Variants in RGL1 observed in about 807,000 individuals in gnomAD.
The protein encoded by RGL1 is ral guanine nucleotide dissociation stimulator-like 1.
In RGL1, 24 loss-of-function variants were observed where a neutral mutation model predicts 95.2. That is an observed-to-expected ratio of 0.25 (90% CI 0.18 to 0.35). The LOEUF is 0.35. RGL1 is among the 10% of genes least tolerant of loss of function. The pLI, the probability that RGL1 is intolerant of heterozygous loss-of-function variation, is 1.00. For synonymous variants in RGL1, 329 were observed against 344.9 expected, an observed-to-expected ratio of 0.95 and a Z score of 0.51; for missense variants, 715 against 936.3, an observed-to-expected ratio of 0.76 and a Z score of 3.08.
intron 1 of RGL1, among the ~76,000 whole-genome samples, chr1:183,682,561 T>C (rs922542359): frequency 6.6e-6 from 1 of 152,178 alleles, no homozygotes; most frequent in African/African-American, 2.4e-5. Context: ...TTCTTTTGCA[T>C]TTGCTGAGGA....
At chr1:183,812,887 AG>A (rs1260882475) in intron 2 of RGL1, among the ~76,000 whole-genome samples, 1 of 152,108 alleles carries the variant, frequency 6.6e-6, no homozygotes. Flanking sequence ...GGAAAGGGAG[AG>A]GAAAGGGGGC....
At chr1:183,836,290 GC>G (rs911057819) in intron 2 of RGL1, among the ~76,000 whole-genome samples, 1 of 151,584 alleles carries the variant, frequency 6.6e-6, no homozygotes, top group Non-Finnish European at 1.5e-5. Context: ...TGCTCTTGTT[GC>G]CCAGGTTGGA....
chr1:183,733,860 A>G (rs1371834916), intron 1 of RGL1, among the ~76,000 whole-genome samples: 5 of 152,200 alleles, frequency 3.3e-5, no homozygotes, highest in African/African-American at 9.6e-5. Flanking sequence ...AGTATATGGT[A>G]TATGTGAAAA....
chr1:183,894,354 G>A (rs918262510), intron 9 of RGL1, among the ~76,000 whole-genome samples: 68 of 152,192 alleles, frequency 4.5e-4, no homozygotes, highest in African/African-American at 1.5e-3. Context: ...GTTACCCCCC[G>A]TACTCTAAAT....
rs192833670 is a variant in RGL1 at position 183,666,645 on chromosome 1, C to T, written c.-33+30144C>T. ...CTGGGATTACAGGTGTGAGCCACCA[C>T]GCCTGGCAGGAATTTTCCAGCTATC... is the stretch of plus-strand genomic sequence containing the variant. On this transcript the variant is annotated intron_variant, in intron 1 of 18. Coordinates refer to the RGL1 transcript ENST00000304685. Among the ~76,000 whole-genome samples, 12 of 152,246 alleles carry T rather than the reference C, an allele frequency of 7.9e-5. No homozygotes were observed. The East Asian group carries it at 1.4e-3, about 17-fold the overall frequency.
At position 183,774,307 on chromosome 1, in the gene RGL1, G is replaced by A. The variant is rs573265223; in HGVS notation, c.132+32018G>A. ...GAACTGAGAAGACATATAAATAAATGTTTCCTAATTTTTTGTTTGTTTTGT... is the reference window on the plus strand; with the variant it reads ...GAACTGAGAAGACATATAAATAAATATTTCCTAATTTTTTGTTTGTTTTGT... On this transcript the variant is annotated intron_variant, in intron 2 of 18. Coordinates refer to the RGL1 transcript ENST00000304685. Among the ~76,000 whole-genome samples, 36 of 152,264 alleles carry A rather than the reference G, an allele frequency of 2.4e-4. 1 individual carries two copies. In the South Asian group the frequency reaches 4.1e-3, roughly 18 times the overall value.
intron 1 of RGL1, among the ~76,000 whole-genome samples, chr1:183,678,180 C>T (rs557514315): frequency 9.9e-5 from 15 of 152,164 alleles, no homozygotes; most frequent in Admixed American, 2.6e-4. Context: ...TTTCCTCATA[C>T]GAATGAAAGA....
intron 1 of RGL1, among the ~76,000 whole-genome samples, chr1:183,730,778 C>T (rs1572341346): frequency 6.6e-6 from 1 of 152,126 alleles, no homozygotes; most frequent in African/African-American, 2.4e-5. Context: ...AGGCTGTTGA[C>T]AGATTTCTAG....
At chr1:183,695,754 C>T (rs10911415) in intron 1 of RGL1, among the ~76,000 whole-genome samples, 12,873 of 152,138 alleles carry the variant, frequency 0.085, 1,017 homozygotes, top group African/African-American at 0.21. Context: ...AACTACTTAT[C>T]TTCAAATTAA....
At chr1:183,873,117 T>C (rs1327033902) in intron 4 of RGL1, among the ~76,000 whole-genome samples, 2 of 152,134 alleles carry the variant, frequency 1.3e-5, no homozygotes, top group Admixed American at 1.3e-4. Context: ...GTTCTAATAG[T>C]TGAGGAAGAA....
intron 1 of RGL1, among the ~76,000 whole-genome samples, chr1:183,707,923 G>C (rs1304132327): frequency 2.6e-5 from 4 of 152,108 alleles, no homozygotes; most frequent in African/African-American, 4.8e-5. Flanking sequence ...GAATGGAGGA[G>C]AATGATTTGA....
intron 1 of RGL1, among the ~76,000 whole-genome samples, chr1:183,669,698 A>G (rs927040750): frequency 2.6e-5 from 4 of 152,334 alleles, no homozygotes; most frequent in Non-Finnish European, 2.9e-5. Context: ...TCATACTGCT[A>G]TGAAGAAATA....
At chr1:183,668,591 T>A (rs908523487) in intron 1 of RGL1, among the ~76,000 whole-genome samples, 1 of 152,108 alleles carries the variant, frequency 6.6e-6, no homozygotes, top group African/African-American at 2.4e-5. Flanking sequence ...GCATGAGCCA[T>A]GAGCCACCAC....
intron 2 of RGL1, among the ~76,000 whole-genome samples, chr1:183,750,957 C>T (rs1449710571): frequency 6.6e-6 from 1 of 152,224 alleles, no homozygotes; most frequent in Middle Eastern, 3.2e-3. Flanking sequence ...GGGGCACCTG[C>T]CAGGTGCCAG....
Position 183,892,125 on chromosome 1 carries a change from T to C in RGL1, c.1104T>C (p.His368=). The change falls in exon 9 of 18, where the codon CAT becomes CAC. Residue 368 remains histidine, a synonymous_variant. Coordinates refer to ENST00000360851, the MANE Select transcript of RGL1 (RefSeq NM_001297671.3). ...AACTTTCAGATATCTTCTCAGACCA[T>C]AATAACCATTTGACCAGCCGAGAAC... The part of the protein sequence containing the change: ...FEELSDIFSD[H]NNHLTSRELL... The C allele has an allele frequency of 6.2e-7, 1 of 1,613,050 alleles. No homozygotes were observed. Among genetic ancestry groups the C allele is most frequent in the Non-Finnish European group, 8.5e-7 (1 of 1,179,380 alleles).
intron 2 of RGL1, among the ~76,000 whole-genome samples, chr1:183,793,371 T>C (rs1422889964): frequency 6.6e-6 from 1 of 152,128 alleles, no homozygotes; most frequent in Non-Finnish European, 1.5e-5. Context: ...GCAAAGATTT[T>C]ATGGCTAAGA....
At chr1:183,684,915 G>C (rs1311876045) in intron 1 of RGL1, among the ~76,000 whole-genome samples, 1 of 152,172 alleles carries the variant, frequency 6.6e-6, no homozygotes, top group Non-Finnish European at 1.5e-5. Flanking sequence ...TCCATGGGCT[G>C]CACCCACTGT....
chr1:183,869,126 GTAAA>G (rs1055558799), intron 4 of RGL1, among the ~76,000 whole-genome samples: 2 of 152,116 alleles, frequency 1.3e-5, no homozygotes, highest in Non-Finnish European at 2.9e-5. Flanking sequence ...TGTCTTAAAA[GTAAA>G]TAATAATAAT....
At chr1:183,738,876 G>T (rs1286580632) in intron 1 of RGL1, among the ~76,000 whole-genome samples, 1 of 152,174 alleles carries the variant, frequency 6.6e-6, no homozygotes, top group Non-Finnish European at 1.5e-5. Context: ...ACTCCAGCCT[G>T]GGTGATAGCA....
Sources: allele counts gnomAD v4.1 joint callset (sites outside exome capture counted in the v4.1 genomes callset), GRCh38; gene constraint gnomAD v4.1.1; transcripts MANE v1.5; gene names NCBI Gene and HGNC (gene_info 2026-07-23, HGNC 2026-07-21).